Variants in WLS observed in about 807,000 individuals in gnomAD.
WLS encodes Wnt ligand secretion mediator, also known as protein wntless homolog.
Under a neutral mutation model 62.8 loss-of-function variants are expected in WLS, and 23 were observed. That is an observed-to-expected ratio of 0.37 (90% CI 0.26 to 0.52). The LOEUF is 0.52. WLS is among the 20% of genes least tolerant of loss of function. The pLI, the probability that WLS is intolerant of heterozygous loss-of-function variation, is 0.92. For missense variants in WLS, 615 were observed against 697.3 expected (o/e 0.88, Z 1.33); for synonymous variants, 246 against 244.1 (o/e 1.01, Z -0.07).
At chr1:68,126,905 TAGG>T (rs1201732021) in intron 11 of WLS, among the ~76,000 whole-genome samples, 4 of 152,080 alleles carry the variant, frequency 2.6e-5, no homozygotes, top group Non-Finnish European at 4.4e-5. Flanking sequence ...ATTTACAAAA[TAGG>T]AGCCAGGTGC....
chr1:68,127,025 T>TAAA (rs373548601), intron 11 of WLS: 3 of 327,580 alleles, frequency 9.2e-6, no homozygotes, highest in Non-Finnish European at 1.8e-5. Context: ...ACCCTGACTC[T>TAAA]AAAAAAAAAA....
intron 11 of WLS, among the ~76,000 whole-genome samples, chr1:68,118,164 G>A (rs17540066): frequency 0.013 from 1,924 of 152,266 alleles, 26 homozygotes; most frequent in Non-Finnish European, 0.021. Context: ...ATGGAGAAAA[G>A]TTGAGCTACC....
At chr1:68,163,469 C>A (rs1570928217) in intron 2 of WLS, among the ~76,000 whole-genome samples, 1 of 150,854 alleles carries the variant, frequency 6.6e-6, no homozygotes, top group Non-Finnish European at 1.5e-5. Context: ...GCTCCCTTTT[C>A]GGTCCCTCGC....
intron 11 of WLS, among the ~76,000 whole-genome samples, chr1:68,112,561 GAAGTT>G (rs1646242079): frequency 6.6e-6 from 1 of 152,154 alleles, no homozygotes; most frequent in Admixed American, 6.5e-5. Context: ...TAATGCTTGT[GAAGTT>G]GCATCTCCAC....
chr1:68,186,833 G>T (rs1647975811), intron 2 of WLS, among the ~76,000 whole-genome samples: 2 of 151,976 alleles, frequency 1.3e-5, no homozygotes, highest in African/African-American at 2.4e-5. Flanking sequence ...TCAATGCCTT[G>T]CTCAGTGTCC....
In WLS at chr1:68,186,636, A is replaced by G. The variant is rs1367928596; in HGVS notation, c.379+7319T>C. ...GCCACACTCCCAAACTCTTCTCTGA[A>G]GTCCTGTTCATTGCTGTCAGAAAGG... On this transcript the variant is annotated intron_variant, in intron 2 of 11. Coordinates refer to ENST00000262348, the MANE Select transcript of WLS (RefSeq NM_024911.7). The G allele has an allele frequency of 6.6e-6, 3 of 456,244 alleles. No homozygotes were observed. The East Asian group carries it at 2.1e-4, about 32-fold the overall frequency. The allele number at this position is 456,244 out of a possible 1,614,324, so 28.3% of individuals were successfully genotyped here. A position where few individuals can be genotyped will look rare whatever the true frequency, so the allele number is the denominator to read the frequency against.
At chr1:68,164,587 A>G (rs941935269) in intron 2 of WLS, among the ~76,000 whole-genome samples, 2 of 152,192 alleles carry the variant, frequency 1.3e-5, no homozygotes, top group Non-Finnish European at 2.9e-5. Context: ...TAAAAAATAC[A>G]TGAAGTAGGG....
chr1:68,219,900 G>C (rs1036731513), intron 1 of WLS, among the ~76,000 whole-genome samples: 1 of 152,012 alleles, frequency 6.6e-6, no homozygotes, highest in Non-Finnish European at 1.5e-5. Context: ...TTTCCCAGTG[G>C]ATGATGACTC....
In WLS at chr1:68,125,431, C is replaced by A; in HGVS notation, c.*795G>T. ...TACAGGTTTATTTAAATGATTGGAT[C>A]TACACTTTTGGAGGCTATTTGAAGT... On this transcript the variant is annotated 3_prime_UTR_variant, in exon 12 of 12. Transcript: ENST00000262348. 1.0e-6 allele frequency: 1 copy of A among 985,406 alleles called. No individual in the cohort carries two copies. The highest frequency in any genetic ancestry group is 1.2e-6 in the Non-Finnish European group (1 of 829,926). The allele number at this position is 985,406 out of a possible 1,614,324, so 61.0% of individuals were successfully genotyped here.
chr1:68,170,257 C>T (rs989895541), intron 2 of WLS, among the ~76,000 whole-genome samples: 6 of 150,090 alleles, frequency 4.0e-5, no homozygotes, highest in African/African-American at 1.5e-4. Flanking sequence ...CCTTCGCCTC[C>T]TGGGTTCAAG....
chr1:68,147,100 T>G (rs887047453), intron 8 of WLS, among the ~76,000 whole-genome samples: 5 of 152,280 alleles, frequency 3.3e-5, no homozygotes, highest in Admixed American at 2.6e-4. Context: ...TTGGCGTGCA[T>G]ATTTCATTAA....
intron 11 of WLS, among the ~76,000 whole-genome samples, chr1:68,136,015 G>C (rs1408800706): frequency 6.6e-6 from 1 of 152,198 alleles, no homozygotes; most frequent in Non-Finnish European, 1.5e-5. Flanking sequence ...CCAGAGATGG[G>C]CTTGAAACTG....
chr1:68,155,733 C>T (rs758930999), intron 3 of WLS, among the ~76,000 whole-genome samples: 1 of 152,052 alleles, frequency 6.6e-6, no homozygotes, highest in Non-Finnish European at 1.5e-5. Flanking sequence ...AATTATTCTC[C>T]TGATTTTGGC....
At chr1:68,122,733 T>C (rs1646378752), downstream of WLS, among the ~76,000 whole-genome samples, 1 of 152,220 alleles carries the variant, frequency 6.6e-6, no homozygotes. Flanking sequence ...TCTCACCTCT[T>C]GAGTTTCCAC....
chr1:68,121,841 T>G (rs1646367460), downstream of WLS, among the ~76,000 whole-genome samples: 1 of 152,200 alleles, frequency 6.6e-6, no homozygotes, highest in Non-Finnish European at 1.5e-5. Context: ...CTGATTGAAT[T>G]CCCACACTAT....
intron 2 of WLS, among the ~76,000 whole-genome samples, chr1:68,177,258 T>A (rs913648502): frequency 2.6e-5 from 4 of 152,198 alleles, no homozygotes; most frequent in African/African-American, 9.7e-5. Context: ...ACCTCTGAAT[T>A]CCATGGGTGA....
chr1:68,183,103 G>A (rs1647684564), intron 2 of WLS, among the ~76,000 whole-genome samples: 1 of 152,092 alleles, frequency 6.6e-6, no homozygotes, highest in African/African-American at 2.4e-5. Flanking sequence ...TATTGGTCAG[G>A]CTGGTCTTGA....
chr1:68,184,383 T>C (rs1647781775), intron 2 of WLS, among the ~76,000 whole-genome samples: 1 of 152,196 alleles, frequency 6.6e-6, no homozygotes, highest in African/African-American at 2.4e-5. Flanking sequence ...TCCTAATGCA[T>C]AGAGTGACTT....
intron 11 of WLS, among the ~76,000 whole-genome samples, chr1:68,103,322 G>A (rs1325014114): frequency 7.2e-5 from 11 of 152,220 alleles, no homozygotes; most frequent in Non-Finnish European, 2.9e-5. Flanking sequence ...GAACTGACTG[G>A]GAAGCAGGTG....
Sources: allele counts gnomAD v4.1 joint callset (sites outside exome capture counted in the v4.1 genomes callset), GRCh38; gene constraint gnomAD v4.1.1; transcripts MANE v1.5; gene names NCBI Gene and HGNC (gene_info 2026-07-23, HGNC 2026-07-21).